TMEM256: variants seen among roughly 807,000 people sequenced by gnomAD.
TMEM256 encodes transmembrane protein 256.
TMEM256 carries 14 observed loss-of-function variants against 14.8 expected under a neutral mutation model. The ratio of observed to expected loss-of-function variants is 0.95; its 90% confidence interval spans 0.63 to 1.48. TMEM256 has a LOEUF of 1.48. TMEM256 is among the 40% of genes most tolerant of loss of function. TMEM256 has a pLI of 0.00. For missense variants in TMEM256, 146 were observed against 137.9 expected (o/e 1.06, Z -0.30); for synonymous variants, 68 against 60.7 (o/e 1.12, Z -0.56).
intron 2 of TMEM256, 129 bp from the exon 3 acceptor site, chr17:7,403,519 G>A (rs2150806401): frequency 6.6e-7 from 1 of 1,506,936 alleles, no homozygotes; most frequent in Non-Finnish European, 9.2e-7. Context: ...CAGGCCTTTG[G>A]CTTACAGAGC....
chr17:7,403,754 G>C (rs1316817605), intron 1 of TMEM256, 65 bp from the exon 2 acceptor site: 1 of 1,562,402 alleles, frequency 6.4e-7, no homozygotes, highest in East Asian at 2.3e-5. Flanking sequence ...CAATCCGGGG[G>C]GACCCAGGTG....
At position 7,404,079 on chromosome 17, in the gene TMEM256, G is replaced by C. The variant is rs752432561; in HGVS notation, c.6C>G (p.Ala2=). 10 of 1,587,492 alleles carry C rather than the reference G, an allele frequency of 6.3e-6. No individual in the cohort carries two copies. The highest frequency in any genetic ancestry group is 1.3e-5 in the African/African-American group (1 of 74,568). The change falls in exon 1 of 4, where the codon GCC becomes GCG. Residue 2 remains alanine, a synonymous_variant. Transcript: ENST00000302422. The part of the protein sequence containing the change: M[A]GPAAAFRRLG... ...AGCGGCGGAAAGCTGCAGCTGGCCC[G>C]GCCATAGCTGTAGAACAGGACGCAC...
chr17:7,403,691 T>G lies in TMEM256; in HGVS notation c.86-2A>C, dbSNP rs768492257. On this transcript the variant is annotated splice_acceptor_variant, in intron 1 of 3. Coordinates refer to ENST00000302422, the MANE Select transcript of TMEM256 (RefSeq NM_152766.5). LOFTEE classifies it high-confidence loss of function. ...CGTAGGCATCTGGGAATTGGGCGCCTGTGGAGAAAAGAAGCAAAGGTTAGC... is the reference window on the plus strand; with the variant it reads ...CGTAGGCATCTGGGAATTGGGCGCCGGTGGAGAAAAGAAGCAAAGGTTAGC... 4.3e-6 allele frequency: 7 copies of G among 1,611,684 alleles called. No individual in the cohort carries two copies. The East Asian group carries it at 1.3e-4, about 31-fold the overall frequency.
At chr17:7,403,827 G>A in intron 1 of TMEM256, 138 bp from the exon 2 acceptor site, 1 of 1,237,978 alleles carries the variant, frequency 8.1e-7, no homozygotes, top group Admixed American at 2.5e-5. Context: ...GTGGGAACAC[G>A]CTCGGGCAGT....
Position 7,403,119 on chromosome 17 carries a change from C to A in TMEM256, c.289G>T (p.Ala97Ser). Reference sequence around the variant, plus strand: ...AGTAGCAGGGTCCCTCCCGCAGGGGCCAAAGTCTGGATGCTGGGGTCTCCA... The same window carrying A: ...AGTAGCAGGGTCCCTCCCGCAGGGGACAAAGTCTGGATGCTGGGGTCTCCA... ...LSGDPSIQTL[A>S]PAGGTLLLLG... Residue 97 changes from alanine to serine, a missense_variant, in exon 4 of 4, where the codon GCC becomes TCC. Coordinates refer to ENST00000302422, the MANE Select transcript of TMEM256 (RefSeq NM_152766.5). The A allele has an allele frequency of 6.2e-7, 1 of 1,614,156 alleles. No homozygotes were observed.
chr17:7,403,416 A>T, intron 2 of TMEM256, 26 bp from the exon 3 acceptor site: 1 of 1,607,510 alleles, frequency 6.2e-7, no homozygotes, highest in Non-Finnish European at 8.5e-7. Flanking sequence ...AAACGAAGGG[A>T]TGTCGTAGGC....
intron 2 of TMEM256, 109 bp from the exon 3 acceptor site, chr17:7,403,499 AGCTTGATCCCAGGCCTTTG>A: frequency 6.7e-7 from 1 of 1,491,044 alleles, no homozygotes; most frequent in Non-Finnish European, 9.3e-7. Flanking sequence ...TTGAAGTCCC[AGCTTGATCCCAGGCCTTTG>A]GCTTACAGAG....
At chr17:7,403,794 C>CT in intron 1 of TMEM256, 105 bp from the exon 2 acceptor site, 5 of 908,070 alleles carry the variant, frequency 5.5e-6, no homozygotes, top group Non-Finnish European at 7.8e-6. Flanking sequence ...ACCCCCCCCC[C>CT]CGCCCCAGGA....
At position 7,403,210 on chromosome 17, in the gene TMEM256, C is replaced by G. The variant is rs372996343; in HGVS notation, c.199-1G>C. ...TTCCGGAAGCTAGCAATAACCCAGCCTGAAGGAGACACAGCACAGAAAACA... is the reference window on the plus strand; with the variant it reads ...TTCCGGAAGCTAGCAATAACCCAGCGTGAAGGAGACACAGCACAGAAAACA... On this transcript the variant is annotated splice_acceptor_variant, in intron 3 of 3. Coordinates refer to ENST00000302422, the MANE Select transcript of TMEM256 (RefSeq NM_152766.5). LOFTEE classifies it high-confidence loss of function. The G allele has an allele frequency of 6.8e-6, 11 of 1,614,020 alleles. No individual in the cohort carries two copies. The African/African-American group carries it at 1.3e-4, about 20-fold the overall frequency.
chr17:7,403,111 C>G lies in TMEM256; in HGVS notation c.297G>C (p.Ala99=), dbSNP rs372581186. 16 of 1,614,002 alleles carry G rather than the reference C, an allele frequency of 9.9e-6. No individual in the cohort carries two copies. The highest frequency in any genetic ancestry group is 1.3e-5 in the Non-Finnish European group (15 of 1,180,030). Residue 99 remains alanine, a synonymous_variant, in exon 4 of 4, where the codon GCG becomes GCC. Coordinates refer to ENST00000302422, the MANE Select transcript of TMEM256 (RefSeq NM_152766.5). ...GDPSIQTLAP[A]GGTLLLLGWL... ...AGCCCAAGAGTAGCAGGGTCCCTCCCGCAGGGGCCAAAGTCTGGATGCTGG... is the reference window on the plus strand; with the variant it reads ...AGCCCAAGAGTAGCAGGGTCCCTCCGGCAGGGGCCAAAGTCTGGATGCTGG...
chr17:7,403,436 A>G (rs763068367), intron 2 of TMEM256, 46 bp from the exon 3 acceptor site: 3 of 1,579,084 alleles, frequency 1.9e-6, no homozygotes, highest in Admixed American at 3.3e-5. Context: ...CAATACAGGT[A>G]CTGAGATCCC....
intron 2 of TMEM256, 22 bp downstream of exon 2, chr17:7,403,636 A>G: frequency 6.2e-7 from 1 of 1,608,326 alleles, no homozygotes. Flanking sequence ...CGAGTCAGGG[A>G]GCCCCAGCGC....
chr17:7,403,784 A>ACCCCCCCCCCCC lies in TMEM256; in HGVS notation c.86-96_86-95insGGGGGGGGGGGG. On this transcript the variant is annotated intron_variant, in intron 1 of 3. Coordinates refer to ENST00000302422, the MANE Select transcript of TMEM256 (RefSeq NM_152766.5). ...CAGGTGGACATTGGCGAGAAAGGGC[A>ACCCCCCCCCCCC]CCCCCCCCCCCGCCCCAGGAAGCTT... 118 of 1,030,788 alleles carry ACCCCCCCCCCCC rather than the reference A, an allele frequency of 1.1e-4. 1 individual carries two copies. The highest frequency in any genetic ancestry group is 9.6e-4 in the African/African-American group (42 of 43,618). The allele number at this position is 1,030,788 out of a possible 1,614,324, so 63.9% of individuals were successfully genotyped here.
intron 2 of TMEM256, 129 bp downstream of exon 2, chr17:7,403,529 C>T (rs1906427914): frequency 6.6e-7 from 1 of 1,513,232 alleles, no homozygotes; most frequent in South Asian, 1.1e-5. Flanking sequence ...GCTTACAGAG[C>T]CTTTGGCCTT....
chr17:7,403,784 A>ACC (rs56134360), intron 1 of TMEM256, 95 bp from the exon 2 acceptor site: 134,491 of 981,698 alleles, frequency 0.14, 1,790 homozygotes, highest in Middle Eastern at 0.18. Context: ...GAGAAAGGGC[A>ACC]CCCCCCCCCC....
In TMEM256 at chr17:7,404,080, G is replaced by C. The variant is rs1441709999; in HGVS notation, c.5C>G (p.Ala2Gly). ...GCGGCGGAAAGCTGCAGCTGGCCCG[G>C]CCATAGCTGTAGAACAGGACGCACC... M[A>G]GPAAAFRRLG... Residue 2 changes from alanine to glycine, a missense_variant, in exon 1 of 4, where the codon GCC becomes GGC. By Grantham distance (60) the Ala-to-Gly change is moderately conservative. Coordinates refer to ENST00000302422, the MANE Select transcript of TMEM256 (RefSeq NM_152766.5). The C allele has an allele frequency of 2.5e-6, 4 of 1,587,188 alleles. No individual in the cohort carries two copies. The African/African-American group carries it at 5.4e-5, about 21-fold the overall frequency.
In TMEM256 at chr17:7,403,019, TA is replaced by T. The variant is rs200714010; in HGVS notation, c.*46del. The T allele has an allele frequency of 1.3e-4, 163 of 1,261,074 alleles. No homozygotes were observed. The highest frequency in any genetic ancestry group is 5.4e-4 in the South Asian group (36 of 66,646). The allele number at this position is 1,261,074 out of a possible 1,614,324, so 78.1% of individuals were successfully genotyped here. On this transcript the variant is annotated 3_prime_UTR_variant, in exon 4 of 4. Coordinates refer to ENST00000302422, the MANE Select transcript of TMEM256 (RefSeq NM_152766.5). Reference sequence around the variant, plus strand: ...TAATCCTCTTCTTACTCCAACTCTTTAAAAAAAAAACTGCCCAGAAAACCCA... The same window carrying T: ...TAATCCTCTTCTTACTCCAACTCTTTAAAAAAAAACTGCCCAGAAAACCCA...
intron 2 of TMEM256, 41 bp from the exon 3 acceptor site, chr17:7,403,431 C>G: frequency 6.3e-7 from 1 of 1,588,950 alleles, no homozygotes; most frequent in Non-Finnish European, 8.6e-7. Flanking sequence ...GTAGGCAATA[C>G]AGGTACTGAG....
chr17:7,403,771 G>T (rs1906447580), intron 1 of TMEM256, 82 bp from the exon 2 acceptor site: 2 of 1,471,382 alleles, frequency 1.4e-6, no homozygotes, highest in African/African-American at 1.4e-5. Flanking sequence ...GGTGGACATT[G>T]GCGAGAAAGG....
Sources: gnomAD v4.1 joint callset for allele counts on GRCh38, gnomAD v4.1.1 for gene constraint, MANE v1.5 for transcripts, NCBI Gene and HGNC (gene_info 2026-07-23, HGNC 2026-07-21) for gene names.